TMEM14B: variants seen among roughly 807,000 people sequenced by gnomAD.
The protein encoded by TMEM14B is transmembrane protein 14B.
In TMEM14B, 9 loss-of-function variants were observed where a neutral mutation model predicts 14.8. The observed-to-expected ratio is 0.61, with a 90% CI of 0.37 to 1.06. TMEM14B has a LOEUF of 1.06. Ranked by LOEUF, TMEM14B falls within the 50% of genes least tolerant of loss-of-function variation. The pLI, the probability that TMEM14B is intolerant of heterozygous loss-of-function variation, is 0.01. For synonymous variants in TMEM14B, 40 were observed against 51.3 expected, an observed-to-expected ratio of 0.78 and a Z score of 0.94; for missense variants, 128 against 143.6, an observed-to-expected ratio of 0.89 and a Z score of 0.56.
chr6:10,758,865 T>C (rs1005820867), downstream of TMEM14B: 22 of 173,312 alleles, frequency 1.3e-4, no homozygotes, highest in African/African-American at 5.1e-4. Context: ...GGCATGAAAC[T>C]ATGTAGCATA....
intron 4 of TMEM14B, among the ~76,000 whole-genome samples, chr6:10,753,638 T>C (rs1771677430): frequency 6.6e-6 from 1 of 151,992 alleles, no homozygotes. Context: ...CATGTATTCA[T>C]CTGTCCACTT....
At chr6:10,751,009 C>T in intron 3 of TMEM14B, 124 bp from the exon 4 acceptor site, 1 of 1,148,366 alleles carries the variant, frequency 8.7e-7, no homozygotes, top group Non-Finnish European at 1.2e-6. Flanking sequence ...CTTGAGTCCA[C>T]CTTGGCTGTG....
intron 5 of TMEM14B, 81 bp downstream of exon 5, chr6:10,755,313 T>C: frequency 1.9e-6 from 3 of 1,600,760 alleles, no homozygotes; most frequent in East Asian, 4.5e-5. Flanking sequence ...AAAACCTTAC[T>C]TGTTTCAGAG....
Position 10,753,248 on chromosome 6 carries a change from A to C in TMEM14B, c.203-1894A>C, listed in dbSNP as rs79065845. ...CGAAACTCCGTTTCAAAAAATAAAG[A>C]TCATTTATGCCTCCTCTCCCATCAC... On this transcript the variant is annotated intron_variant, in intron 4 of 5. Coordinates refer to ENST00000379542, the MANE Select transcript of TMEM14B (RefSeq NM_030969.5). Among the ~76,000 whole-genome samples, 608 of 152,012 alleles carry C rather than the reference A, an allele frequency of 4.0e-3. 16 individuals carry two copies. The East Asian group carries it at 0.078, about 19-fold the overall frequency.
downstream of TMEM14B, chr6:10,759,166 C>T (rs530051420): frequency 5.2e-5 from 8 of 153,250 alleles, no homozygotes; most frequent in African/African-American, 1.7e-4. Context: ...ATCCACCTGT[C>T]TTGCCTCCCA....
chr6:10,752,968 GCTCA>G (rs1384920963), intron 4 of TMEM14B: 6 of 152,052 alleles, frequency 3.9e-5, no homozygotes, highest in African/African-American at 1.5e-4. Flanking sequence ...GGGCGCGGTG[GCTCA>G]CTCGTATAAT....
At chr6:10,753,850 T>A (rs537393971) in intron 4 of TMEM14B, among the ~76,000 whole-genome samples, 1 of 151,182 alleles carries the variant, frequency 6.6e-6, no homozygotes, top group East Asian at 1.9e-4. Flanking sequence ...TGCACAGCCA[T>A]CGTCCTAGTC....
Position 10,755,158 on chromosome 6 carries a change from T to G in TMEM14B, c.219T>G (p.Thr73=). 6.2e-7 allele frequency: 1 copy of G among 1,614,022 alleles called. No individual in the cohort carries two copies. Among genetic ancestry groups the G allele is most frequent in the Non-Finnish European group, 8.5e-7 (1 of 1,180,042 alleles). The part of the protein sequence containing the change: ...VWGFLAATSV[T]FVGVMGMRSY... ...CTTTTTCAGCCGCTACATCTGTTAC[T>G]TTTGTTGGTGTTATGGGAATGAGAT... The change falls in exon 5 of 6, where the codon ACT becomes ACG. Residue 73 remains threonine, a synonymous_variant. Transcript: ENST00000379542.
chr6:10,751,076 C>T, intron 3 of TMEM14B, 57 bp from the exon 4 acceptor site: 2 of 1,604,122 alleles, frequency 1.2e-6, no homozygotes, highest in Non-Finnish European at 1.7e-6. Context: ...CTGGTGGATT[C>T]CGTTAGTGAA....
Position 10,756,509 on chromosome 6 carries a change from A to G in TMEM14B, c.336A>G (p.Thr112=). ...AAKVGVRMLM[T]SD ...AAGTTGGAGTTCGTATGTTGATGACATCTGATTAGCAGAAGTCATGTTCCA... is the reference window on the plus strand; with the variant it reads ...AAGTTGGAGTTCGTATGTTGATGACGTCTGATTAGCAGAAGTCATGTTCCA... Residue 112 remains threonine, a synonymous_variant, in exon 6 of 6, where the codon ACA becomes ACG. Transcript: ENST00000379542. 1 of 1,613,778 alleles carries G rather than the reference A, an allele frequency of 6.2e-7. No individual in the cohort carries two copies. The highest frequency in any genetic ancestry group is 8.5e-7 in the Non-Finnish European group (1 of 1,179,874).
At chr6:10,751,686 G>A (rs1581612490) in intron 4 of TMEM14B, among the ~76,000 whole-genome samples, 2 of 152,110 alleles carry the variant, frequency 1.3e-5, no homozygotes, top group African/African-American at 4.8e-5. Context: ...GTTTGCAGCT[G>A]CGTTACGTTT....
chr6:10,755,293 TTA>T (rs1483997536), intron 5 of TMEM14B, 61 bp downstream of exon 5: 8 of 1,611,116 alleles, frequency 5.0e-6, no homozygotes, highest in Non-Finnish European at 6.8e-6. Context: ...CCAGAATACT[TTA>T]TGCATTCAAA....
At chr6:10,751,018 T>G in intron 3 of TMEM14B, 115 bp from the exon 4 acceptor site, 375 of 1,236,690 alleles carry the variant, frequency 3.0e-4, no homozygotes, top group Non-Finnish European at 4.0e-4. Flanking sequence ...ACCTTGGCTG[T>G]GAGCTGTGTT....
intron 5 of TMEM14B, chr6:10,755,498 A>C: frequency 1.4e-6 from 2 of 1,412,620 alleles, no homozygotes; most frequent in Non-Finnish European, 1.8e-6. Context: ...TTGCAAAGCT[A>C]TGACTGCAGC....
Position 10,749,632 on chromosome 6 carries a change from C to G in TMEM14B, c.34C>G (p.His12Asp). 3 of 1,614,216 alleles carry G rather than the reference C, an allele frequency of 1.9e-6. No homozygotes were observed. The highest frequency in any genetic ancestry group is 1.3e-5 in the African/African-American group (1 of 75,040). Residue 12 changes from histidine (H) to aspartate (D), a missense_variant, in exon 3 of 6, where the codon CAT (histidine) becomes GAT (aspartate). Transcript: ENST00000379542. Reference protein sequence around the residue: ...EKPLFPLVPLHWFGFGYTALV... With the variant: ...EKPLFPLVPLDWFGFGYTALV... ...CTCTTGTGTTTTCAGAGTGCCTTTG[C>G]ATTGGTTTGGCTTTGGCTACACAGC...
Position 10,751,200 on chromosome 6 carries a change from G to A in TMEM14B, c.168G>A (p.Leu56=). 1 of 1,614,016 alleles carries A rather than the reference G, an allele frequency of 6.2e-7. No homozygotes were observed. The highest frequency in any genetic ancestry group is 8.5e-7 in the Non-Finnish European group (1 of 1,180,008). The part of the protein sequence containing the change: ...GSLAGLGAYQ[L]YQDPRNVWGF... ...TAGCCGGCCTGGGTGCTTACCAGCTGTATCAGGATCCAAGGAACGTTTGGG... is the reference window on the plus strand; with the variant it reads ...TAGCCGGCCTGGGTGCTTACCAGCTATATCAGGATCCAAGGAACGTTTGGG... The change falls in exon 4 of 6, where the codon CTG becomes CTA. Residue 56 remains leucine (L), a synonymous_variant. Coordinates refer to ENST00000379542, the MANE Select transcript of TMEM14B (RefSeq NM_030969.5).
chr6:10,755,540 G>T (rs1259820634), intron 5 of TMEM14B: 29 of 1,347,222 alleles, frequency 2.2e-5, no homozygotes, highest in Non-Finnish European at 2.5e-5. Flanking sequence ...ATGTGTGGGG[G>T]TCCCATATTT....
In TMEM14B at chr6:10,749,200, A is replaced by T. The variant is rs773749762; in HGVS notation, c.-44-2A>T. ...ACTGCTGATCCGGCTTGTTTTCCCCAGATGCAGGCCTGGGGTAGTCTCCTT... is the reference window on the plus strand; with the variant it reads ...ACTGCTGATCCGGCTTGTTTTCCCCTGATGCAGGCCTGGGGTAGTCTCCTT... On this transcript the variant is annotated splice_acceptor_variant, in intron 1 of 5. Transcript: ENST00000379542. LOFTEE classifies it low-confidence loss of function (5UTR_SPLICE). 6.2e-7 allele frequency: 1 copy of T among 1,610,916 alleles called. No individual in the cohort carries two copies. Among genetic ancestry groups the T allele is most frequent in the African/African-American group, 1.3e-5 (1 of 74,820 alleles).
intron 4 of TMEM14B, 32 bp from the exon 5 acceptor site, chr6:10,755,110 T>C (rs1771753204): frequency 6.2e-7 from 1 of 1,610,340 alleles, no homozygotes; most frequent in Non-Finnish European, 8.5e-7. Flanking sequence ...AGAAGACTAA[T>C]GAGTTTTGAC....
Sources: gnomAD v4.1 joint callset for allele counts (sites outside exome capture counted in the v4.1 genomes callset) on GRCh38, gnomAD v4.1.1 for gene constraint, MANE v1.5 for transcripts, NCBI Gene and HGNC (gene_info 2026-07-23, HGNC 2026-07-21) for gene names.